TJP2: variants seen among roughly 807,000 people sequenced by gnomAD.
TJP2 encodes Friedreich ataxia region gene X104 (tight junction protein ZO-2).
Under a neutral mutation model 133.1 loss-of-function variants are expected in TJP2, and 91 were observed. The ratio of observed to expected loss-of-function variants is 0.68; its 90% confidence interval spans 0.58 to 0.81. TJP2 has a LOEUF of 0.81. Ranked by LOEUF, TJP2 falls within the 40% of genes least tolerant of loss-of-function variation. TJP2 has a pLI of 0.00. For missense variants in TJP2, 1,541 were observed against 1,565.6 expected (o/e 0.98, Z 0.26); for synonymous variants, 592 against 583.4 (o/e 1.01, Z -0.21).
upstream of TJP2, chr9:69,174,025 G>A: frequency 9.7e-7 from 1 of 1,033,440 alleles, no homozygotes; most frequent in Non-Finnish European, 1.2e-6. Context: ...CGCCGCCGCC[G>A]CCTCCCGCCC....
intron 3 of TJP2, 146 bp downstream of exon 3, chr9:69,216,609 T>C (rs1588081589): frequency 3.2e-6 from 3 of 946,888 alleles, no homozygotes; most frequent in Middle Eastern, 3.4e-4. Context: ...CAAGCTGGAA[T>C]GGAAGCCATA....
intron 2 of TJP2, among the ~76,000 whole-genome samples, chr9:69,154,840 C>A (rs1212353614): frequency 6.6e-6 from 1 of 152,004 alleles, no homozygotes; most frequent in Non-Finnish European, 1.5e-5. Flanking sequence ...TGAAGAGCTT[C>A]ATTTTCTAGA....
At chr9:69,179,519 T>TC (rs1175877286) in intron 1 of TJP2, among the ~76,000 whole-genome samples, 1 of 150,848 alleles carries the variant, frequency 6.6e-6, no homozygotes, top group Non-Finnish European at 1.5e-5. Context: ...TTCTTTTTTT[T>TC]TTTTTTTGAG....
intron 1 of TJP2, among the ~76,000 whole-genome samples, chr9:69,201,385 G>A (rs1272811160): frequency 1.0e-4 from 15 of 149,752 alleles, no homozygotes; most frequent in African/African-American, 3.5e-4. Flanking sequence ...TCTTTGTCAG[G>A]TCTTTGCCCT....
chr9:69,121,532 T>C (rs1822140095), exon 1 of TJP2: 1 of 206,646 alleles, frequency 4.8e-6, no homozygotes, highest in Non-Finnish European at 8.5e-6. Context: ...CGGAGGCCGC[T>C]GGCGCCCTCC....
intron 1 of TJP2, among the ~76,000 whole-genome samples, chr9:69,208,464 A>G (rs1827607142): frequency 6.6e-6 from 1 of 152,186 alleles, no homozygotes; most frequent in Non-Finnish European, 1.5e-5. Flanking sequence ...ATCACAGGAC[A>G]CTTAAAGATG....
At chr9:69,239,259 G>A (rs183385498) in intron 16 of TJP2, among the ~76,000 whole-genome samples, 2 of 152,160 alleles carry the variant, frequency 1.3e-5, no homozygotes, top group African/African-American at 4.8e-5. Flanking sequence ...GGCAGTGAGC[G>A]GAGATTGCAC....
At chr9:69,159,556 T>TC (rs1823952375) in intron 2 of TJP2, among the ~76,000 whole-genome samples, 1 of 152,158 alleles carries the variant, frequency 6.6e-6, no homozygotes, top group African/African-American at 2.4e-5. Context: ...ATTTGTCTCT[T>TC]CTGATAGCTT....
At chr9:69,175,102 G>A (rs1199511778) in intron 1 of TJP2, among the ~76,000 whole-genome samples, 1 of 152,170 alleles carries the variant, frequency 6.6e-6, no homozygotes, top group Non-Finnish European at 1.5e-5. Flanking sequence ...TTCTACCACA[G>A]GGTTTTAACA....
chr9:69,254,050 G>T, intron 22 of TJP2, 159 bp from the exon 23 acceptor site: 1 of 846,976 alleles, frequency 1.2e-6, no homozygotes, highest in Non-Finnish European at 2.0e-6. Context: ...TACGAACCTG[G>T]AGCAGGACCA....
intron 6 of TJP2, among the ~76,000 whole-genome samples, chr9:69,225,641 T>G (rs1234220063): frequency 1.3e-5 from 2 of 152,252 alleles, no homozygotes; most frequent in Non-Finnish European, 2.9e-5. Context: ...AATATTTTCT[T>G]CTTTCCTGTT....
intron 1 of TJP2, among the ~76,000 whole-genome samples, chr9:69,133,405 G>C (rs1045262149): frequency 2.0e-5 from 3 of 152,178 alleles, no homozygotes; most frequent in Non-Finnish European, 4.4e-5. Flanking sequence ...GGAAAGACTG[G>C]CGTCTGCTGC....
At chr9:69,186,231 C>T (rs1825852412) in intron 1 of TJP2, among the ~76,000 whole-genome samples, 1 of 152,116 alleles carries the variant, frequency 6.6e-6, no homozygotes, top group Admixed American at 6.6e-5. Flanking sequence ...ATTTTACTTT[C>T]CAGGGACCCT....
chr9:69,149,424 T>C (rs1823364345), intron 1 of TJP2, among the ~76,000 whole-genome samples: 1 of 152,044 alleles, frequency 6.6e-6, no homozygotes, highest in African/African-American at 2.4e-5. Flanking sequence ...TTGCTTGCTT[T>C]GTAGGATGTC....
intron 1 of TJP2, among the ~76,000 whole-genome samples, chr9:69,176,843 G>T (rs1015226927): frequency 2.6e-5 from 4 of 152,146 alleles, no homozygotes; most frequent in Non-Finnish European, 4.4e-5. Flanking sequence ...CTTTTTACGA[G>T]ACACAAGTTA....
At position 69,225,279 on chromosome 9, in the gene TJP2, G is replaced by A. The variant is rs1180155341; in HGVS notation, c.953-25G>A. 5.5e-6 allele frequency: 8 copies of A among 1,445,496 alleles called. No individual in the cohort carries two copies. The Admixed American group carries it at 1.2e-4, about 21-fold the overall frequency. The allele number at this position is 1,445,496 out of a possible 1,614,324, so 89.5% of individuals were successfully genotyped here. ...TTTTGAACAAATTGATAACATACGT[G>A]TATGTTTATGTGTTTGTCTCCTAGA... On this transcript the variant is annotated intron_variant, in intron 5 of 22. Transcript: ENST00000377245.
At chr9:69,204,751 A>G in intron 1 of TJP2, 1 of 913,744 alleles carries the variant, frequency 1.1e-6, no homozygotes, top group Non-Finnish European at 1.3e-6. Flanking sequence ...GTGTGTGTGT[A>G]TCAGAGGGTC....
intron 2 of TJP2, among the ~76,000 whole-genome samples, chr9:69,167,854 C>T (rs1002334387): frequency 1.6e-5 from 2 of 126,206 alleles, no homozygotes; most frequent in Admixed American, 1.8e-4. Context: ...GGCAAGAGAG[C>T]GAGAGTCTGT....
intron 1 of TJP2, among the ~76,000 whole-genome samples, chr9:69,136,227 T>A (rs1290430719): frequency 1.3e-5 from 2 of 152,142 alleles, no homozygotes; most frequent in African/African-American, 4.8e-5. Context: ...AAAAATATGT[T>A]TTTTAAGAAT....
Sources: gnomAD v4.1 joint callset for allele counts (sites outside exome capture counted in the v4.1 genomes callset) on GRCh38, gnomAD v4.1.1 for gene constraint, MANE v1.5 for transcripts, NCBI Gene and HGNC (gene_info 2026-07-23, HGNC 2026-07-21) for gene names.